Variants in RABGAP1L observed in about 807,000 individuals in gnomAD.
RABGAP1L encodes RAB GTPase activating protein 1 like.
RABGAP1L carries 63 observed loss-of-function variants against 137.7 expected under a neutral mutation model. The ratio of observed to expected loss-of-function variants is 0.46; its 90% CI spans 0.37 to 0.56. The LOEUF (loss-of-function observed/expected upper bound fraction) is 0.56, where lower values mean the gene tolerates loss of function less well. RABGAP1L is among the 20% of genes least tolerant of loss of function. The pLI, the probability that RABGAP1L is intolerant of heterozygous loss-of-function variation, is 0.00. For synonymous variants in RABGAP1L, 431 were observed against 433.7 expected (o/e 0.99, Z 0.08); for missense variants, 1,095 against 1,244.0 (o/e 0.88, Z 1.80).
At chr1:174,442,435 A>G (rs1308820835) in intron 13 of RABGAP1L, among the ~76,000 whole-genome samples, 1 of 152,138 alleles carries the variant, frequency 6.6e-6, no homozygotes, top group Admixed American at 6.5e-5. Context: ...GTAATGAGAA[A>G]TACACTTTCT....
chr1:174,229,369 A>G (rs1670445242), intron 3 of RABGAP1L, among the ~76,000 whole-genome samples: 1 of 152,216 alleles, frequency 6.6e-6, no homozygotes, highest in Non-Finnish European at 1.5e-5. Context: ...TCTTTAGTAT[A>G]GTTTTTCCTC....
chr1:174,610,270 A>T (rs559680785), intron 13 of RABGAP1L, among the ~76,000 whole-genome samples: 42 of 131,026 alleles, frequency 3.2e-4, no homozygotes, highest in African/African-American at 9.9e-4. Context: ...GTGTTCTCAT[A>T]GTTCAATTCC....
At chr1:174,914,350 A>G (rs1660518921) in intron 19 of RABGAP1L, among the ~76,000 whole-genome samples, 1 of 152,218 alleles carries the variant, frequency 6.6e-6, no homozygotes, top group Non-Finnish European at 1.5e-5. Context: ...ATCAAATGAC[A>G]TATATCACTT....
intron 19 of RABGAP1L, among the ~76,000 whole-genome samples, chr1:174,912,835 A>G (rs1023209864): frequency 6.6e-6 from 1 of 152,182 alleles, no homozygotes; most frequent in African/African-American, 2.4e-5. Flanking sequence ...ACTCCTCATT[A>G]AGCAGCACCA....
intron 17 of RABGAP1L, among the ~76,000 whole-genome samples, chr1:174,711,530 T>C (rs1680518708): frequency 6.6e-6 from 1 of 152,080 alleles, no homozygotes; most frequent in Non-Finnish European, 1.5e-5. Flanking sequence ...AGTGAGGTGC[T>C]TCGCACCCGG....
intron 13 of RABGAP1L, among the ~76,000 whole-genome samples, chr1:174,601,834 A>G (rs1302391644): frequency 6.6e-6 from 1 of 152,092 alleles, no homozygotes; most frequent in Non-Finnish European, 1.5e-5. Context: ...CATCTATCTC[A>G]AGTTCAAAGT....
At chr1:174,833,716 A>T (rs1332993530) in intron 19 of RABGAP1L, among the ~76,000 whole-genome samples, 1 of 151,874 alleles carries the variant, frequency 6.6e-6, no homozygotes, top group Non-Finnish European at 1.5e-5. Flanking sequence ...AGTTATGATC[A>T]TAACAGAAAA....
chr1:174,829,011 A>G (rs1267865064), intron 19 of RABGAP1L, among the ~76,000 whole-genome samples: 1 of 148,076 alleles, frequency 6.8e-6, no homozygotes, highest in African/African-American at 2.5e-5. Context: ...GATAATATAA[A>G]TAAGAAACTT....
At chr1:174,985,165 T>C (rs1163299128) in intron 24 of RABGAP1L, among the ~76,000 whole-genome samples, 1 of 152,208 alleles carries the variant, frequency 6.6e-6, no homozygotes, top group African/African-American at 2.4e-5. Flanking sequence ...GCGGATCACT[T>C]GAGTCCAGGA....
chr1:174,653,751 C>G (rs1309338792), intron 14 of RABGAP1L, among the ~76,000 whole-genome samples: 1 of 152,202 alleles, frequency 6.6e-6, no homozygotes, highest in Non-Finnish European at 1.5e-5. Context: ...TGAACAATAT[C>G]TGATTACTTT....
At chr1:174,572,982 C>T (rs1668096046) in intron 13 of RABGAP1L, among the ~76,000 whole-genome samples, 1 of 150,030 alleles carries the variant, frequency 6.7e-6, no homozygotes. Context: ...TGGTTAAGTG[C>T]ACTCAGATCC....
intron 3 of RABGAP1L, among the ~76,000 whole-genome samples, chr1:174,224,371 TG>T (rs1670001694): frequency 1.3e-5 from 2 of 152,054 alleles, no homozygotes; most frequent in Non-Finnish European, 1.5e-5. Context: ...GCTGAGAATC[TG>T]GGCAGGAGAA....
At chr1:174,621,547 C>G (rs116057561) in intron 13 of RABGAP1L, among the ~76,000 whole-genome samples, 1 of 152,102 alleles carries the variant, frequency 6.6e-6, no homozygotes, top group East Asian at 1.9e-4. Flanking sequence ...AGAAGTAACA[C>G]GGCATATCTA....
chr1:174,435,828 C>G (rs1653217308), intron 13 of RABGAP1L, among the ~76,000 whole-genome samples: 1 of 144,894 alleles, frequency 6.9e-6, no homozygotes, highest in Admixed American at 6.8e-5. Flanking sequence ...ACAACCGTCC[C>G]CGGTGTGTGA....
chr1:174,473,366 C>T (rs1431998052), intron 13 of RABGAP1L, among the ~76,000 whole-genome samples: 1 of 152,116 alleles, frequency 6.6e-6, no homozygotes, highest in Non-Finnish European at 1.5e-5. Flanking sequence ...ACTTCAGGTT[C>T]AAAGAGATTT....
Position 174,926,145 on chromosome 1 carries a change from AT to A in RABGAP1L, c.2341-31309del, listed in dbSNP as rs1662808517. Among the ~76,000 whole-genome samples, 19 of 151,926 alleles carry A rather than the reference AT, an allele frequency of 1.3e-4. No homozygotes were observed. In the South Asian group the frequency reaches 3.9e-3, roughly 31 times the overall value. ...TTTGTGTCTGGGCTCTTTAATACTG[AT>A]TTGTTGATCTGTTCCTGAGCTAGTA... On this transcript the variant is annotated intron_variant, in intron 19 of 25. Coordinates refer to ENST00000681986, the MANE Select transcript of RABGAP1L (RefSeq NM_001366446.1).
intron 14 of RABGAP1L, among the ~76,000 whole-genome samples, chr1:174,647,690 A>T (rs184653224): frequency 3.2e-4 from 49 of 152,102 alleles, no homozygotes; most frequent in African/African-American, 1.1e-3. Flanking sequence ...TGTCTCTGCC[A>T]GGTTTTGGGA....
intron 3 of RABGAP1L, among the ~76,000 whole-genome samples, chr1:174,227,852 GT>G (rs74263820): frequency 2.3e-3 from 301 of 132,716 alleles, no homozygotes; most frequent in South Asian, 2.6e-3. Flanking sequence ...AAATACTGTG[GT>G]TTTTTTTTTT....
chr1:174,613,524 G>A (rs1171606223), intron 13 of RABGAP1L, among the ~76,000 whole-genome samples: 1 of 152,178 alleles, frequency 6.6e-6, no homozygotes, highest in Non-Finnish European at 1.5e-5. Flanking sequence ...TGAAAAGAAT[G>A]TATATTCTGT....
Sources: gnomAD v4.1 joint callset for allele counts (sites outside exome capture counted in the v4.1 genomes callset) on GRCh38, gnomAD v4.1.1 for gene constraint, MANE v1.5 for transcripts, NCBI Gene and HGNC (gene_info 2026-07-23, HGNC 2026-07-21) for gene names.